The following NRF1 variants were observed in gnomAD, a reference collection of about 807,000 sequenced individuals.
NRF1 encodes the protein nuclear respiratory factor 1, also known as alpha palindromic-binding protein.
NRF1 carries 5 observed loss-of-function variants against 58.5 expected under a neutral mutation model. The ratio of observed to expected loss-of-function variants is 0.09; its 90% CI spans 0.04 to 0.18. The LOEUF (loss-of-function observed/expected upper bound fraction) is 0.18. NRF1 is among the 10% of genes least tolerant of loss of function. NRF1 has a pLI of 1.00. For synonymous variants in NRF1, 224 were observed against 246.7 expected (o/e 0.91, Z 0.86); for missense variants, 288 against 657.7 (o/e 0.44, Z 6.15).
At chr7:129,746,074 C>T (rs1306049289) in intron 10 of NRF1, among the ~76,000 whole-genome samples, 1 of 152,206 alleles carries the variant, frequency 6.6e-6, no homozygotes, top group Non-Finnish European at 1.5e-5. Context: ...CACCAAGGCA[C>T]CTGTGAGGCT....
At chr7:129,692,359 C>T (rs550423400) in intron 5 of NRF1, among the ~76,000 whole-genome samples, 1 of 152,182 alleles carries the variant, frequency 6.6e-6, no homozygotes, top group South Asian at 2.1e-4. Flanking sequence ...TCAGCCTGGG[C>T]AGCAGGCTGG....
At chr7:129,670,530 T>C (rs931616398) in intron 2 of NRF1, among the ~76,000 whole-genome samples, 9 of 152,234 alleles carry the variant, frequency 5.9e-5, no homozygotes, top group South Asian at 2.1e-4. Context: ...CAGGGAGGTT[T>C]ATTTTATTTG....
At chr7:129,698,116 T>C (rs1311751881) in intron 5 of NRF1, among the ~76,000 whole-genome samples, 2 of 152,238 alleles carry the variant, frequency 1.3e-5, no homozygotes. Flanking sequence ...TACATAGCAA[T>C]GTCTGCAGTT....
chr7:129,735,285 A>G, intron 10 of NRF1: 1 of 965,170 alleles, frequency 1.0e-6, no homozygotes. Context: ...TAATCCCAGC[A>G]CTTTGGGATG....
intron 1 of NRF1, among the ~76,000 whole-genome samples, chr7:129,634,044 A>T (rs1231166621): frequency 1.2e-3 from 67 of 53,720 alleles, no homozygotes; most frequent in African/African-American, 3.4e-3. Context: ...AAAAAAAAAG[A>T]TATATATATA....
At chr7:129,686,971 T>G (rs1414099539) in intron 4 of NRF1, among the ~76,000 whole-genome samples, 2 of 152,230 alleles carry the variant, frequency 1.3e-5, no homozygotes, top group African/African-American at 4.8e-5. Flanking sequence ...TCACTTAGAA[T>G]TTTTATTTTC....
chr7:129,653,209 G>A (rs1469214380), intron 1 of NRF1, among the ~76,000 whole-genome samples: 1 of 152,172 alleles, frequency 6.6e-6, no homozygotes, highest in Non-Finnish European at 1.5e-5. Context: ...ATTTCACTGA[G>A]CAGAATATCC....
At chr7:129,743,187 A>C (rs1259996621) in intron 10 of NRF1, among the ~76,000 whole-genome samples, 2 of 152,276 alleles carry the variant, frequency 1.3e-5, no homozygotes, top group South Asian at 2.1e-4. Context: ...AAAAAAAAAA[A>C]AAACCTGAAT....
At chr7:129,620,000 C>T (rs1325552162) in intron 1 of NRF1, among the ~76,000 whole-genome samples, 1 of 151,822 alleles carries the variant, frequency 6.6e-6, no homozygotes, top group Admixed American at 6.6e-5. Context: ...GGAGAGGGTC[C>T]ACAACATTTA....
chr7:129,748,142 G>A (rs1350698473), intron 10 of NRF1, among the ~76,000 whole-genome samples: 2 of 151,796 alleles, frequency 1.3e-5, no homozygotes, highest in Admixed American at 6.6e-5. Flanking sequence ...GGGCGTGGTG[G>A]TGCGCGCCTG....
intron 5 of NRF1, among the ~76,000 whole-genome samples, 168 bp downstream of exon 5, chr7:129,690,714 C>G (rs554680707): frequency 6.6e-6 from 1 of 152,130 alleles, no homozygotes; most frequent in South Asian, 2.1e-4. Context: ...ATTATAGTGC[C>G]AGAAAAGTGC....
chr7:129,721,310 C>T (rs1803316673), intron 9 of NRF1, among the ~76,000 whole-genome samples: 1 of 152,056 alleles, frequency 6.6e-6, no homozygotes, highest in Admixed American at 6.6e-5. Context: ...ATTGTTAACA[C>T]TGAGACAGTA....
At chr7:129,718,948 G>A (rs1412383826) in intron 9 of NRF1, among the ~76,000 whole-genome samples, 2 of 152,060 alleles carry the variant, frequency 1.3e-5, no homozygotes, top group African/African-American at 2.4e-5. Context: ...TTCTCATCGC[G>A]GTGTCCAACC....
At chr7:129,734,974 C>A in intron 10 of NRF1, 1 of 812,880 alleles carries the variant, frequency 1.2e-6, no homozygotes, top group Non-Finnish European at 1.5e-6. Flanking sequence ...GCTGTGGATC[C>A]TGGGGAAAGG....
intron 1 of NRF1, among the ~76,000 whole-genome samples, chr7:129,614,332 T>C (rs1488907265): frequency 1.3e-5 from 2 of 152,064 alleles, no homozygotes; most frequent in Admixed American, 6.6e-5. Context: ...GCCAGGCTGG[T>C]CTCGAACTTC....
intron 10 of NRF1, among the ~76,000 whole-genome samples, chr7:129,742,505 A>G (rs2116299875): frequency 6.6e-6 from 1 of 152,268 alleles, no homozygotes; most frequent in African/African-American, 2.4e-5. Context: ...CCTACACTGC[A>G]TTGCTCTCAC....
At chr7:129,619,421 TATATATATATATACACAC>T (rs1484997928) in intron 1 of NRF1, among the ~76,000 whole-genome samples, 1 of 95,804 alleles carries the variant, frequency 1.0e-5, no homozygotes, top group African/African-American at 5.7e-5. Context: ...TATATATATA[TATATATATATATACACAC>T]ACACACACAT....
intron 10 of NRF1, among the ~76,000 whole-genome samples, chr7:129,744,404 C>T (rs186894478): frequency 1.2e-4 from 18 of 152,122 alleles, no homozygotes; most frequent in Admixed American, 3.9e-4. Flanking sequence ...TCTGATTTTT[C>T]TAGTGTTAAA....
intron 2 of NRF1, among the ~76,000 whole-genome samples, chr7:129,660,815 T>C (rs1476040257): frequency 6.6e-6 from 1 of 150,862 alleles, no homozygotes; most frequent in Non-Finnish European, 1.5e-5. Context: ...TGGAGGACAG[T>C]GGCCCTCTTC....
Sources: gnomAD v4.1 joint callset for allele counts (sites outside exome capture counted in the v4.1 genomes callset) on GRCh38, gnomAD v4.1.1 for gene constraint, MANE v1.5 for transcripts, NCBI Gene and HGNC (gene_info 2026-07-23, HGNC 2026-07-21) for gene names.